The following RGS3 variants were observed in gnomAD, a reference collection of about 807,000 sequenced individuals.
RGS3 encodes regulator of G protein signaling 3.
RGS3 carries 80 observed loss-of-function variants against 132.6 expected under a neutral mutation model. That is an observed-to-expected ratio of 0.60 (90% CI 0.50 to 0.73). The LOEUF (loss-of-function observed/expected upper bound fraction) is 0.73, where lower values mean the gene tolerates loss of function less well. Among genes scored for constraint, RGS3 ranks in the 30% least tolerant of loss-of-function variants. The pLI is 0.00. For missense variants in RGS3, 1,382 were observed against 1,530.8 expected, an observed-to-expected ratio of 0.90 and a Z score of 1.62; for synonymous variants, 598 against 620.6, an observed-to-expected ratio of 0.96 and a Z score of 0.54.
intron 19 of RGS3, among the ~76,000 whole-genome samples, chr9:113,564,709 G>A (rs998562089): frequency 2.0e-5 from 3 of 152,198 alleles, no homozygotes; most frequent in South Asian, 2.1e-4. Flanking sequence ...GGCTGTCTCC[G>A]GGGGAGGAAG....
chr9:113,510,081 C>A (rs1050693897), intron 14 of RGS3, among the ~76,000 whole-genome samples: 1 of 152,080 alleles, frequency 6.6e-6, no homozygotes, highest in Admixed American at 6.6e-5. Flanking sequence ...TTTTATCTCT[C>A]ACCCCCCTCC....
chr9:113,547,650 A>G (rs542925996), intron 19 of RGS3, among the ~76,000 whole-genome samples: 125 of 152,314 alleles, frequency 8.2e-4, no homozygotes, highest in Middle Eastern at 6.8e-3. Flanking sequence ...ACATTCTTTA[A>G]CCTTTCCAAC....
intron 10 of RGS3, among the ~76,000 whole-genome samples, chr9:113,500,450 C>T (rs1830834812): frequency 6.6e-6 from 1 of 152,202 alleles, no homozygotes; most frequent in South Asian, 2.1e-4. Flanking sequence ...CGCTGCTCTG[C>T]AGGATGCTAT....
chr9:113,469,201 CTGCGTGGTG>C (rs1352776778), intron 3 of RGS3, among the ~76,000 whole-genome samples: 1 of 152,090 alleles, frequency 6.6e-6, no homozygotes, highest in East Asian at 1.9e-4. Context: ...TGTCAGCCAG[CTGCGTGGTG>C]TGTTGGGCAG....
Position 113,565,036 on chromosome 9 carries a change from G to T in RGS3, c.2038-18414G>T. ...TGGGAGCCCTCAGGATGTGTGTGGG[G>T]TGGAGCCTGCTAGGGATCCCAGTGC... is the stretch of plus-strand genomic sequence containing the variant. On this transcript the variant is annotated intron_variant, in intron 19 of 24. Coordinates refer to ENST00000350696, the Ensembl canonical transcript of RGS3. This position sits in a 1 kb window ranked among gnomAD's most constrained non-coding sequence, Gnocchi z 5.7. The T allele has an allele frequency of 8.9e-7, 1 of 1,124,298 alleles. No homozygotes were observed. The highest frequency in any genetic ancestry group is 2.0e-5 in the South Asian group (1 of 50,262). The allele number at this position is 1,124,298 out of a possible 1,614,324, so 69.6% of individuals were successfully genotyped here.
chr9:113,471,764 C>T (rs1040000002), intron 3 of RGS3, among the ~76,000 whole-genome samples: 3 of 152,128 alleles, frequency 2.0e-5, no homozygotes, highest in Non-Finnish European at 4.4e-5. Context: ...ATGGCTCATT[C>T]ACATGGCTCT....
At chr9:113,449,441 T>G (rs1429365893) in intron 1 of RGS3, among the ~76,000 whole-genome samples, 1 of 152,184 alleles carries the variant, frequency 6.6e-6, no homozygotes, top group Non-Finnish European at 1.5e-5. Context: ...TATATACATT[T>G]TACTTATGAG....
intron 19 of RGS3, among the ~76,000 whole-genome samples, chr9:113,538,933 G>C (rs1214743539): frequency 4.2e-4 from 64 of 152,184 alleles, no homozygotes; most frequent in Non-Finnish European, 8.8e-5. Context: ...CTTTTGTCAG[G>C]CTGGCCCTAG....
At chr9:113,451,178 C>CA (rs1174466508) in intron 1 of RGS3, among the ~76,000 whole-genome samples, 30 of 98,922 alleles carry the variant, frequency 3.0e-4, no homozygotes, top group Middle Eastern at 0.013. Context: ...GACTCCGTCT[C>CA]AAAAAAAAAG....
intron 14 of RGS3, among the ~76,000 whole-genome samples, chr9:113,514,071 G>T (rs2119364341): frequency 6.6e-6 from 1 of 152,346 alleles, no homozygotes; most frequent in South Asian, 2.1e-4. Flanking sequence ...TGTGGGCTCA[G>T]TGAGGACAGA....
At chr9:113,526,478 C>A (rs1231066060) in intron 17 of RGS3, among the ~76,000 whole-genome samples, 2 of 152,222 alleles carry the variant, frequency 1.3e-5, no homozygotes, top group African/African-American at 4.8e-5. Flanking sequence ...TGGAGGCAGG[C>A]AGTCCTCACT....
rs1036463989 is a variant in RGS3, at chr9:113,463,533, G to C, written c.415+1332G>C. The stretch of plus-strand genomic sequence containing the variant: ...ATACCCGGGGTGGCCGCACCGTCCT[G>C]CTGGCTCCTTGGGTGGCTGCCGTCG... On this transcript the variant is annotated intron_variant, in intron 3 of 24. Transcript: ENST00000350696. This position sits in a 1 kb window ranked among gnomAD's most constrained non-coding sequence, Gnocchi z 4.6. Among the ~76,000 whole-genome samples, 1 of 152,156 alleles carries C rather than the reference G, an allele frequency of 6.6e-6. No homozygotes were observed. Among genetic ancestry groups the C allele is most frequent in the East Asian group, 1.9e-4 (1 of 5,168 alleles).
intron 3 of RGS3, among the ~76,000 whole-genome samples, chr9:113,475,537 C>T (rs552351165): frequency 4.6e-5 from 7 of 152,172 alleles, no homozygotes; most frequent in Non-Finnish European, 1.0e-4. Flanking sequence ...TCCCAAGTAG[C>T]TGAGACTACA....
At chr9:113,462,163 C>G in exon 3 of RGS3, 1 of 1,614,074 alleles carries the variant, frequency 6.2e-7, no homozygotes, top group East Asian at 2.2e-5. Flanking sequence ...ACTTCTCCAG[C>G]CAGGAAGAGG....
At chr9:113,472,290 C>T (rs1040095207) in intron 3 of RGS3, among the ~76,000 whole-genome samples, 7 of 152,184 alleles carry the variant, frequency 4.6e-5, no homozygotes, top group Admixed American at 3.9e-4. Context: ...AATGAAAACA[C>T]ATGCTCACAC....
At chr9:113,542,714 T>C (rs1832953876) in intron 19 of RGS3, among the ~76,000 whole-genome samples, 1 of 152,198 alleles carries the variant, frequency 6.6e-6, no homozygotes, top group Admixed American at 6.5e-5. Flanking sequence ...GGAGTGTTCC[T>C]GGAAGTTGGG....
intron 16 of RGS3, among the ~76,000 whole-genome samples, chr9:113,520,510 G>A (rs1301811315): frequency 6.7e-6 from 1 of 149,460 alleles, no homozygotes; most frequent in Non-Finnish European, 1.5e-5. Context: ...CCTCCTACTT[G>A]CCCTACTTCC....
chr9:113,587,061 C>T (rs1427554510), intron 20 of RGS3, among the ~76,000 whole-genome samples: 1 of 152,216 alleles, frequency 6.6e-6, no homozygotes, highest in Non-Finnish European at 1.5e-5. Context: ...GACACTGCTG[C>T]AAAGTGGACA....
At chr9:113,497,401 A>G in exon 9 of RGS3, 1 of 1,612,860 alleles carries the variant, frequency 6.2e-7, no homozygotes, top group East Asian at 2.2e-5. Flanking sequence ...GCGGCCGCTG[A>G]GAGGTACCTG....
Sources: gnomAD v4.1 joint callset for allele counts (sites outside exome capture counted in the v4.1 genomes callset) on GRCh38, gnomAD v4.1.1 for gene constraint, Gnocchi (gnomAD v3.1) non-coding constraint, MANE v1.5 for transcripts, NCBI Gene and HGNC (gene_info 2026-07-23, HGNC 2026-07-21) for gene names.